HYAL4: variants seen among roughly 807,000 people sequenced by gnomAD.
HYAL4 encodes the protein hyaluronidase-4.
In HYAL4, 37 loss-of-function variants were observed where a neutral mutation model predicts 35.2. The ratio of observed to expected loss-of-function variants is 1.05; its 90% CI spans 0.81 to 1.38. HYAL4 has a LOEUF of 1.38. Ranked by LOEUF, HYAL4 falls within the 40% of genes most tolerant of loss-of-function variation. The pLI, the probability that HYAL4 is intolerant of heterozygous loss-of-function variation, is 0.00. For synonymous variants in HYAL4, 198 were observed against 203.2 expected, an observed-to-expected ratio of 0.97 and a Z score of 0.22; for missense variants, 572 against 572.4, an observed-to-expected ratio of 1.00 and a Z score of 0.01.
At chr7:123,787,345 A>G in the HYAL4 span, among the ~76,000 whole-genome samples, 1 of 151,578 alleles carries the variant, frequency 6.6e-6, no homozygotes, top group Non-Finnish European at 1.5e-5. Context: ...TCAGCTGAGG[A>G]GAGGAAAGGA....
At chr7:123,847,027 AGAT>A (rs1317549698) in intron 1 of HYAL4, among the ~76,000 whole-genome samples, 1 of 152,156 alleles carries the variant, frequency 6.6e-6, no homozygotes, top group African/African-American at 2.4e-5. Flanking sequence ...CGCTTCCTTC[AGAT>A]GGTCTGTGAG....
chr7:123,784,843 T>C, the HYAL4 span, among the ~76,000 whole-genome samples: 45 of 152,232 alleles, frequency 3.0e-4, no homozygotes, highest in African/African-American at 1.1e-3. Context: ...TTGGATTATG[T>C]GGTTGTTGCT....
At chr7:123,772,984 T>G in the HYAL4 span, among the ~76,000 whole-genome samples, 1 of 152,160 alleles carries the variant, frequency 6.6e-6, no homozygotes, top group African/African-American at 2.4e-5. Flanking sequence ...CACCGCATTG[T>G]CTCTCCTAAG....
the HYAL4 span, among the ~76,000 whole-genome samples, chr7:123,811,475 ATCT>A: frequency 1.3e-5 from 2 of 152,278 alleles, no homozygotes; most frequent in South Asian, 4.1e-4. Flanking sequence ...ATATCTGTAT[ATCT>A]TCTTTGATGA....
intron 2 of HYAL4, among the ~76,000 whole-genome samples, chr7:123,865,829 G>A (rs1037915142): frequency 6.6e-6 from 1 of 152,276 alleles, no homozygotes; most frequent in Non-Finnish European, 1.5e-5. Flanking sequence ...CTGAGACTGG[G>A]TAATTTATAA....
At chr7:123,772,569 A>C in the HYAL4 span, among the ~76,000 whole-genome samples, 1 of 152,162 alleles carries the variant, frequency 6.6e-6, no homozygotes, top group Admixed American at 6.5e-5. Flanking sequence ...AAATAGACAA[A>C]AGGGTGCTTC....
intron 2 of HYAL4, among the ~76,000 whole-genome samples, chr7:123,864,412 C>T (rs1184190199): frequency 6.6e-6 from 1 of 152,190 alleles, no homozygotes; most frequent in Non-Finnish European, 1.5e-5. Context: ...TCCTCATTCA[C>T]TTCTACCTCC....
chr7:123,840,308 G>A (rs1035644000), upstream of HYAL4, among the ~76,000 whole-genome samples: 3 of 152,078 alleles, frequency 2.0e-5, no homozygotes, highest in African/African-American at 7.2e-5. Context: ...GATGTGTGGT[G>A]TTATTTCTAG....
chr7:123,778,159 G>GTCTGTCTGTCTATCTA, the HYAL4 span, among the ~76,000 whole-genome samples: 7 of 120,716 alleles, frequency 5.8e-5, no homozygotes, highest in South Asian at 2.6e-4. Context: ...CTGTCTGTCT[G>GTCTGTCTGTCTATCTA]TCTATCTATC....
At chr7:123,839,512 G>T (rs1366616254) in intron 1 of HYAL4, among the ~76,000 whole-genome samples, 3 of 152,194 alleles carry the variant, frequency 2.0e-5, no homozygotes, top group Non-Finnish European at 4.4e-5. Context: ...TAATGGGATT[G>T]CTGGGTCAAA....
intron 2 of HYAL4, among the ~76,000 whole-genome samples, chr7:123,866,918 G>T (rs1236366062): frequency 6.6e-6 from 1 of 151,628 alleles, no homozygotes; most frequent in Non-Finnish European, 1.5e-5. Context: ...AGCCTCCTCA[G>T]TAGCTGGGAC....
At chr7:123,796,534 G>T in the HYAL4 span, among the ~76,000 whole-genome samples, 2 of 152,106 alleles carry the variant, frequency 1.3e-5, no homozygotes, top group African/African-American at 4.8e-5. Context: ...TAAAAATCAG[G>T]CAGTCTGTTG....
At chr7:123,852,774 A>G (rs1011047566) in intron 2 of HYAL4, among the ~76,000 whole-genome samples, 1 of 152,226 alleles carries the variant, frequency 6.6e-6, no homozygotes, top group African/African-American at 2.4e-5. Flanking sequence ...TTCTGTGAAG[A>G]AAGTCAATAG....
the HYAL4 span, among the ~76,000 whole-genome samples, chr7:123,811,310 A>C: frequency 6.6e-6 from 1 of 152,196 alleles, no homozygotes; most frequent in Non-Finnish European, 1.5e-5. Flanking sequence ...TCCAATTGGC[A>C]ATGTATGAGA....
the HYAL4 span, among the ~76,000 whole-genome samples, chr7:123,794,783 C>A: frequency 6.6e-5 from 10 of 152,216 alleles, no homozygotes; most frequent in Admixed American, 6.5e-4. Flanking sequence ...TCTGCTAGGG[C>A]AATGCAAAAG....
intron 2 of HYAL4, among the ~76,000 whole-genome samples, chr7:123,848,523 G>A (rs1806225515): frequency 6.6e-6 from 1 of 152,114 alleles, no homozygotes; most frequent in Admixed American, 6.6e-5. Context: ...GCATCAAAAT[G>A]TATTCCATGA....
chr7:123,810,410 C>G, the HYAL4 span, among the ~76,000 whole-genome samples: 1 of 152,126 alleles, frequency 6.6e-6, no homozygotes, highest in Non-Finnish European at 1.5e-5. Flanking sequence ...TAAGAAACTC[C>G]TTGTTGGTCA....
Position 123,868,582 on chromosome 7 carries a change from A to T in HYAL4, c.309A>T (p.Ser103=), listed in dbSNP as rs138492993. 3.8e-3 allele frequency: 6,088 copies of T among 1,614,202 alleles called. 22 individuals carry two copies. Among genetic ancestry groups the T allele is most frequent in the Non-Finnish European group, 4.6e-3 (5,406 of 1,180,014 alleles). ...NRLGYYPWYT[S]QGVPINGGLP... is the part of the protein sequence containing the mutation. Reference sequence around the variant, plus strand: ...TGGGATACTATCCGTGGTATACATCACAAGGGGTCCCCATTAATGGAGGTC... The same window carrying T: ...TGGGATACTATCCGTGGTATACATCTCAAGGGGTCCCCATTAATGGAGGTC... Residue 103 remains serine (S), a synonymous_variant, in exon 3 of 5, where the codon TCA becomes TCT. Coordinates refer to ENST00000223026, the MANE Select transcript of HYAL4 (RefSeq NM_012269.3).
At chr7:123,801,383 C>T in the HYAL4 span, among the ~76,000 whole-genome samples, 2 of 152,116 alleles carry the variant, frequency 1.3e-5, no homozygotes, top group Non-Finnish European at 2.9e-5. Context: ...CATCCATGTA[C>T]TTTAATATTC....
Sources: gnomAD v4.1 joint callset for allele counts (sites outside exome capture counted in the v4.1 genomes callset) on GRCh38, gnomAD v4.1.1 for gene constraint, MANE v1.5 for transcripts, NCBI Gene and HGNC (gene_info 2026-07-23, HGNC 2026-07-21) for gene names.